The following MID1 variants were observed in gnomAD, a reference collection of about 807,000 sequenced individuals.
MID1 encodes the protein midline 1.
In MID1, 7 loss-of-function variants were observed where a neutral mutation model predicts 40.4. That is an observed-to-expected ratio of 0.17 (90% CI 0.10 to 0.33). The LOEUF (loss-of-function observed/expected upper bound fraction) is 0.33. Ranked by LOEUF, MID1 falls within the 10% of genes least tolerant of loss-of-function variation. The probability of loss-of-function intolerance (pLI) is 1.00; values close to 1 mark genes in which losing one functional copy is unlikely to be tolerated. For missense variants in MID1, 367 were observed against 558.5 expected (o/e 0.66, Z 3.46); for synonymous variants, 229 against 221.2 (o/e 1.04, Z -0.31).
intron 1 of MID1, among the ~76,000 whole-genome samples, chrX:10,713,098 G>T (rs2043279796): frequency 9.0e-6 from 1 of 111,134 alleles, no homozygotes; most frequent in East Asian, 2.8e-4. Flanking sequence ...GCCTCCCAAA[G>T]TGCTGGGATT....
At chrX:10,665,194 C>T (rs1431294860) in intron 1 of MID1, among the ~76,000 whole-genome samples, 1 of 112,318 alleles carries the variant, frequency 8.9e-6, no homozygotes, top group Admixed American at 9.4e-5. Flanking sequence ...TCAAAGCCCT[C>T]ACACTTGCTT....
At chrX:10,498,869 G>A (rs1472088089) in intron 3 of MID1, among the ~76,000 whole-genome samples, 1 of 111,858 alleles carries the variant, frequency 8.9e-6, no homozygotes, top group Non-Finnish European at 1.9e-5. Context: ...GATGCACACT[G>A]ATGTTTCTAG....
chrX:10,818,863 G>T (rs2044156159), intron 1 of MID1, among the ~76,000 whole-genome samples: 1 of 111,942 alleles, frequency 8.9e-6, no homozygotes, highest in Admixed American at 9.5e-5. Flanking sequence ...TTAAGTGTTA[G>T]GAGTAGGAAG....
chrX:10,805,274 T>A (rs2044036814), intron 1 of MID1, among the ~76,000 whole-genome samples: 1 of 85,811 alleles, frequency 1.2e-5, no homozygotes, highest in Non-Finnish European at 2.2e-5. Context: ...CCTGTGTCCA[T>A]GTGTTCTCAT....
intron 2 of MID1, among the ~76,000 whole-genome samples, chrX:10,555,041 A>G (rs1934065577): frequency 8.9e-6 from 1 of 112,087 alleles, no homozygotes. Flanking sequence ...ATATCTTCCT[A>G]GGGATGGATC....
At chrX:10,718,684 C>A (rs748234721) in intron 1 of MID1, among the ~76,000 whole-genome samples, 1 of 111,882 alleles carries the variant, frequency 8.9e-6, no homozygotes, top group South Asian at 3.7e-4. Context: ...GGAATCCTCC[C>A]TAACTCATTT....
At chrX:10,547,613 GTAAAGAA>G (rs1933743494) in intron 2 of MID1, among the ~76,000 whole-genome samples, 1 of 85,593 alleles carries the variant, frequency 1.2e-5, no homozygotes, top group African/African-American at 4.3e-5. Context: ...AGAAGGGAGG[GTAAAGAA>G]AGGAAGAGAA....
chrX:10,686,510 C>G (rs978921513), intron 1 of MID1, among the ~76,000 whole-genome samples: 3 of 111,908 alleles, frequency 2.7e-5, no homozygotes, highest in African/African-American at 9.8e-5. Context: ...AATTGTATGC[C>G]TTTTCTCCTA....
intron 1 of MID1, among the ~76,000 whole-genome samples, chrX:10,756,727 G>A (rs1014724036): frequency 8.9e-6 from 1 of 112,194 alleles, no homozygotes; most frequent in Non-Finnish European, 1.9e-5. Context: ...AAAACATACA[G>A]GTTTTGCAGA....
chrX:10,500,527 T>C (rs1931488564), intron 3 of MID1, among the ~76,000 whole-genome samples: 2 of 112,527 alleles, frequency 1.8e-5, no homozygotes, highest in Admixed American at 1.9e-4. Flanking sequence ...TTAAATACTA[T>C]TCTATATTTC....
intron 1 of MID1, among the ~76,000 whole-genome samples, chrX:10,777,632 C>T (rs966885718): frequency 9.2e-6 from 1 of 109,171 alleles, no homozygotes; most frequent in Non-Finnish European, 1.9e-5. Flanking sequence ...CCTCCACCTC[C>T]CAGGTTCAAG....
intron 1 of MID1, among the ~76,000 whole-genome samples, chrX:10,691,611 G>A (rs1569147913): frequency 4.5e-5 from 5 of 111,432 alleles, no homozygotes; most frequent in Admixed American, 2.9e-4. Flanking sequence ...GAGAATGTAC[G>A]TCACCTCAAG....
chrX:10,727,903 C>T (rs1199162929), intron 1 of MID1, among the ~76,000 whole-genome samples: 2 of 111,906 alleles, frequency 1.8e-5, no homozygotes, highest in African/African-American at 3.2e-5. Flanking sequence ...CCCATGAAAT[C>T]GTAACACTCT....
chrX:10,565,479 G>A lies in MID1; in HGVS notation c.660+1409C>T, dbSNP rs937003934. ...CCATTAGCGCTAAGGAGAGGTGATA[G>A]AAACCATTTGTTAAAGGTGACACTG... On this transcript the variant is annotated intron_variant, in intron 2 of 9. Coordinates refer to ENST00000317552, the MANE Select transcript of MID1 (RefSeq NM_000381.4). 60 of 329,783 alleles carry A rather than the reference G, an allele frequency of 1.8e-4. No homozygotes were observed. In the Admixed American group the frequency reaches 1.8e-3, roughly 10 times the overall value. The allele number at this position is 329,783 out of a possible 1,213,427, so 27.2% of individuals were successfully genotyped here.
chrX:10,586,867 C>T (rs891576429), intron 1 of MID1, among the ~76,000 whole-genome samples: 31 of 112,531 alleles, frequency 2.8e-4, no homozygotes, highest in African/African-American at 1.0e-3. Context: ...CTTTTTCTGA[C>T]ACATAGGGTG....
chrX:10,807,374 C>A (rs186184578), intron 1 of MID1, among the ~76,000 whole-genome samples: 4 of 112,211 alleles, frequency 3.6e-5, no homozygotes, highest in African/African-American at 1.3e-4. Context: ...GCTCACAGTT[C>A]TGTAGGCTTG....
At chrX:10,587,576 G>T (rs1935168428) in intron 1 of MID1, among the ~76,000 whole-genome samples, 1 of 112,643 alleles carries the variant, frequency 8.9e-6, no homozygotes, top group Non-Finnish European at 1.9e-5. Flanking sequence ...CCACCTTAGT[G>T]GAAGGGGGAC....
chrX:10,553,590 G>C (rs1254843182), intron 2 of MID1, among the ~76,000 whole-genome samples: 2 of 111,787 alleles, frequency 1.8e-5, no homozygotes, highest in Admixed American at 9.5e-5. Context: ...TTTAGCCAGG[G>C]TAAGTAAATA....
chrX:10,623,618 C>T (rs1935965427), upstream of MID1, among the ~76,000 whole-genome samples: 1 of 111,839 alleles, frequency 8.9e-6, no homozygotes. Context: ...ATTGCTGTGG[C>T]GCCCTTGGAC....
Sources: allele counts gnomAD v4.1 joint callset (sites outside exome capture counted in the v4.1 genomes callset), GRCh38; gene constraint gnomAD v4.1.1; transcripts MANE v1.5; gene names NCBI Gene and HGNC (gene_info 2026-07-23, HGNC 2026-07-21).